The following LRRC53 variants were observed in gnomAD, a reference collection of about 807,000 sequenced individuals.
LRRC53 encodes the protein leucine-rich repeat-containing protein 53.
In LRRC53, 25 loss-of-function variants were observed where a neutral mutation model predicts 13.6. The ratio of observed to expected loss-of-function variants is 1.83; its 90% CI spans 1.34 to 2.56. The LOEUF is 2.56. Among genes scored for constraint, LRRC53 ranks in the 30% most tolerant of loss-of-function variants. LRRC53 has a pLI of 0.00. For synonymous variants in LRRC53, 204 were observed against 109.8 expected, an observed-to-expected ratio of 1.86 and a Z score of -5.37; for missense variants, 527 against 275.8, an observed-to-expected ratio of 1.91 and a Z score of -6.45.
the LRRC53 span, among the ~76,000 whole-genome samples, chr1:74,533,630 C>T: frequency 9.2e-5 from 14 of 151,932 alleles, no homozygotes; most frequent in East Asian, 1.9e-4. Flanking sequence ...TATTGTGGCA[C>T]TATTCACAAT....
intron 1 of LRRC53, among the ~76,000 whole-genome samples, chr1:74,486,810 A>G (rs564262485): frequency 2.0e-5 from 3 of 152,282 alleles, no homozygotes; most frequent in African/African-American, 7.2e-5. Flanking sequence ...GCAGAAAAAA[A>G]TAAAATAAGA....
chr1:74,532,513 T>C, the LRRC53 span, among the ~76,000 whole-genome samples: 6 of 152,050 alleles, frequency 3.9e-5, no homozygotes, highest in Non-Finnish European at 8.8e-5. Context: ...TTAGGGTACA[T>C]GTGCACAATG....
chr1:74,519,786 C>A, the LRRC53 span, among the ~76,000 whole-genome samples: 2 of 152,068 alleles, frequency 1.3e-5, no homozygotes, highest in African/African-American at 4.8e-5. Flanking sequence ...TATAGTCAAG[C>A]CAAAGCTTTA....
intron 1 of LRRC53, among the ~76,000 whole-genome samples, chr1:74,488,297 CA>C (rs1331772138): frequency 1.3e-5 from 2 of 151,996 alleles, no homozygotes; most frequent in Non-Finnish European, 2.9e-5. Context: ...CCTAGAGATA[CA>C]AGGAGTATGT....
chr1:74,491,981 G>T, intron 1 of LRRC53: 1 of 1,350,090 alleles, frequency 7.4e-7, no homozygotes. Context: ...CAAGCTGAGT[G>T]AATAGAAATT....
intron 1 of LRRC53, chr1:74,491,963 G>A (rs1669098744): frequency 1.5e-6 from 2 of 1,313,558 alleles, no homozygotes; most frequent in Non-Finnish European, 2.0e-6. Context: ...GAAAGGAAAA[G>A]CCAGGAGCAA....
At chr1:74,511,023 A>T (rs1405279362) in intron 1 of LRRC53, among the ~76,000 whole-genome samples, 1 of 149,138 alleles carries the variant, frequency 6.7e-6, no homozygotes, top group African/African-American at 2.5e-5. Context: ...AAGTAGCTGG[A>T]ATTACAGGCG....
At chr1:74,496,925 G>A (rs575174605) in intron 1 of LRRC53, among the ~76,000 whole-genome samples, 1 of 152,268 alleles carries the variant, frequency 6.6e-6, no homozygotes, top group East Asian at 1.9e-4. Flanking sequence ...TAGTGTTTAT[G>A]TGGGGCTGGG....
At position 74,480,423 on chromosome 1, in the gene LRRC53, C is replaced by T. The variant is rs1457606176; in HGVS notation, c.634G>A (p.Asp212Asn). The stretch of plus-strand genomic sequence containing the variant: ...CAAGTGCAGCTCCACTGGTTCTTAT[C>T]TAAGCTCAGAAGGATTAACTGCTTC... ...PLKQLILLSLDKNQWSCTCDL... is the reference protein window; with the variant it reads ...PLKQLILLSLNKNQWSCTCDL... Residue 212 changes from aspartate (D) to asparagine (N), a missense_variant, in exon 3 of 5, where the codon GAT (aspartate) becomes AAT (asparagine). Transcript: ENST00000294635. The T allele has an allele frequency of 1.4e-6, 1 of 717,560 alleles. No individual in the cohort carries two copies. The allele number at this position is 717,560 out of a possible 1,614,324, so 44.4% of individuals were successfully genotyped here.
At chr1:74,485,452 T>C (rs1270611493) in intron 1 of LRRC53, among the ~76,000 whole-genome samples, 1 of 152,174 alleles carries the variant, frequency 6.6e-6, no homozygotes, top group African/African-American at 2.4e-5. Flanking sequence ...CAGGGCTTTT[T>C]CCAGGATCTC....
At chr1:74,483,424 G>A in intron 1 of LRRC53, 49 bp from the exon 2 acceptor site, 1 of 702,974 alleles carries the variant, frequency 1.4e-6, no homozygotes, top group Non-Finnish European at 2.7e-6. Context: ...GGCATTCACT[G>A]TCCATTATTT....
At chr1:74,481,605 C>A (rs182336991) in intron 2 of LRRC53, among the ~76,000 whole-genome samples, 1 of 152,184 alleles carries the variant, frequency 6.6e-6, no homozygotes, top group Non-Finnish European at 1.5e-5. Context: ...ATCTTGGCCT[C>A]CTGTCTAATA....
chr1:74,524,973 T>C, the LRRC53 span, among the ~76,000 whole-genome samples: 1 of 152,214 alleles, frequency 6.6e-6, no homozygotes, highest in Non-Finnish European at 1.5e-5. Flanking sequence ...TGCTTTTTTA[T>C]ACCTACTTTC....
intron 4 of LRRC53, among the ~76,000 whole-genome samples, chr1:74,474,441 T>A (rs763381488): frequency 4.6e-5 from 7 of 152,144 alleles, no homozygotes; most frequent in Non-Finnish European, 1.0e-4. Flanking sequence ...ACATATGGTT[T>A]TATTCTTATC....
chr1:74,488,529 A>G (rs898819840), intron 1 of LRRC53, among the ~76,000 whole-genome samples: 2 of 152,206 alleles, frequency 1.3e-5, no homozygotes, highest in African/African-American at 4.8e-5. Context: ...AGAGGCCAAC[A>G]TTTTCTAAAA....
intron 1 of LRRC53, among the ~76,000 whole-genome samples, chr1:74,505,024 G>T (rs1391528769): frequency 6.6e-6 from 1 of 152,166 alleles, no homozygotes; most frequent in Non-Finnish European, 1.5e-5. Flanking sequence ...ACAACGAATG[G>T]CCTGACTTTC....
Position 74,475,340 on chromosome 1 carries a change from C to T in LRRC53, c.1375G>A (p.Glu459Lys), listed in dbSNP as rs1009116651. The T allele has an allele frequency of 2.8e-6, 2 of 711,192 alleles. No individual in the cohort carries two copies. Among genetic ancestry groups the T allele is most frequent in the African/African-American group, 3.5e-5 (2 of 56,614 alleles). 44.1% of individuals were successfully genotyped at this position (711,192 alleles called of 1,614,324 possible). Residue 459 changes from glutamate (E) to lysine (K), a missense_variant, in exon 4 of 5, where the codon GAA (glutamate) becomes AAA (lysine). Transcript: ENST00000294635. ...VQKLWNLEPG[E>K]VQPQTLQHHI... is the part of the protein sequence containing the mutation. ...TGTTGCAGAGTTTGAGGCTGGACTT[C>T]TCCAGGCTCAAGATTCCATAGCTTT...
chr1:74,489,451 G>A (rs573386646), intron 1 of LRRC53, among the ~76,000 whole-genome samples: 1 of 152,228 alleles, frequency 6.6e-6, no homozygotes, highest in East Asian at 1.9e-4. Context: ...GAGTGAATTC[G>A]AGACCTTCCA....
Position 74,472,116 on chromosome 1 carries a change from A to G in LRRC53, c.1506T>C (p.Asn502=). 2 of 717,250 alleles carry G rather than the reference A, an allele frequency of 2.8e-6. No homozygotes were observed. Among genetic ancestry groups the G allele is most frequent in the South Asian group, 1.5e-5 (1 of 67,568 alleles). 44.4% of individuals were successfully genotyped at this position (717,250 alleles called of 1,614,324 possible). A position where few individuals can be genotyped will look rare whatever the true frequency, so the allele number is the denominator to read the frequency against. The change falls in exon 5 of 5, where the codon AAT becomes AAC. Residue 502 remains asparagine, a synonymous_variant. Coordinates refer to ENST00000294635, the MANE Select transcript of LRRC53 (RefSeq NM_001382280.1). ...AGESLEKRLT[N]ESWQPPIEKE... is the part of the protein sequence containing the mutation. ...TTTCTATTGGAGGCTGCCATGATTCATTTGTTAAACGCTTCTCAAGACTTT... is the reference window on the plus strand; with the variant it reads ...TTTCTATTGGAGGCTGCCATGATTCGTTTGTTAAACGCTTCTCAAGACTTT...
Sources: gnomAD v4.1 joint callset for allele counts (sites outside exome capture counted in the v4.1 genomes callset) on GRCh38, gnomAD v4.1.1 for gene constraint, MANE v1.5 for transcripts, NCBI Gene and HGNC (gene_info 2026-07-23, HGNC 2026-07-21) for gene names.